Variants in MAP3K2 observed in about 807,000 individuals in gnomAD.
MAP3K2 encodes MAP/ERK kinase kinase 2.
MAP3K2 carries 24 observed loss-of-function variants against 80.3 expected under a neutral mutation model. The observed-to-expected ratio is 0.30, with a 90% CI of 0.22 to 0.42. The LOEUF is 0.42. MAP3K2 is among the 10% of genes least tolerant of loss of function. The pLI is 1.00. For missense variants in MAP3K2, 608 were observed against 750.1 expected (o/e 0.81, Z 2.21); for synonymous variants, 244 against 253.7 (o/e 0.96, Z 0.36).
At chr2:127,338,335 A>T (rs73956522) in intron 3 of MAP3K2, among the ~76,000 whole-genome samples, 4,183 of 152,148 alleles carry the variant, frequency 0.027, 74 homozygotes, top group African/African-American at 0.031. Context: ...CTTAAAAAAA[A>T]TTTTTTTAAC....
intron 15 of MAP3K2, among the ~76,000 whole-genome samples, chr2:127,311,529 T>G (rs1334180697): frequency 6.6e-6 from 1 of 152,146 alleles, no homozygotes; most frequent in African/African-American, 2.4e-5. Context: ...AAAAATAAGT[T>G]ATTAAGGAGA....
rs528463914 is a variant in MAP3K2, at chr2:127,321,017, G to T, written c.1045+1029C>A. On this transcript the variant is annotated intron_variant, in intron 12 of 16. Transcript: ENST00000682094. This position sits in a 1 kb window ranked among gnomAD's most constrained non-coding sequence, Gnocchi z 4.4. ...TGCCTGTAGTGCCAGATACTTGGGAGTTTGAAGTGGGAGGATTGCTTGAGC... is the reference window on the plus strand; with the variant it reads ...TGCCTGTAGTGCCAGATACTTGGGATTTTGAAGTGGGAGGATTGCTTGAGC... 6.6e-6 allele frequency among the ~76,000 whole-genome samples: 1 copy of T among 152,204 alleles called. No individual in the cohort carries two copies. Among genetic ancestry groups the T allele is most frequent in the Admixed American group, 6.5e-5 (1 of 15,278 alleles).
At chr2:127,371,028 A>G (rs1470322238) in intron 1 of MAP3K2, among the ~76,000 whole-genome samples, 1 of 152,242 alleles carries the variant, frequency 6.6e-6, no homozygotes, top group Non-Finnish European at 1.5e-5. Context: ...TGCAAGAACG[A>G]CAATGCAATC....
In MAP3K2 at chr2:127,375,406, A is replaced by AT. The variant is rs200517629; in HGVS notation, c.-66+12045dup. 1.1e-3 allele frequency among the ~76,000 whole-genome samples: 154 copies of AT among 140,394 alleles called. 1 individual carries two copies. The East Asian group carries it at 0.023, about 21-fold the overall frequency. 92.1% of individuals were successfully genotyped at this position (140,394 alleles called of 152,430 possible). A position where few individuals can be genotyped will look rare whatever the true frequency, so the allele number is the denominator to read the frequency against. ...TCCTTGTTATGCTTTATTATTATTTATTTATTTATTTATTTTTTTTTTGAG... is the reference window on the plus strand; with the variant it reads ...TCCTTGTTATGCTTTATTATTATTTATTTTATTTATTTATTTTTTTTTTGAG... On this transcript the variant is annotated intron_variant, in intron 1 of 16. Transcript: ENST00000682094.
intron 12 of MAP3K2, among the ~76,000 whole-genome samples, chr2:127,319,033 G>A (rs887729098): frequency 6.6e-6 from 1 of 152,086 alleles, no homozygotes; most frequent in African/African-American, 2.4e-5. Context: ...TGCACTCATA[G>A]GAGCAGGAGA....
chr2:127,307,490 CTT>C lies in MAP3K2; in HGVS notation c.*87_*88del. On this transcript the variant is annotated 3_prime_UTR_variant, in exon 17 of 17. Coordinates refer to ENST00000682094, the MANE Select transcript of MAP3K2 (RefSeq NM_001371910.2). This position sits in a 1 kb window ranked among gnomAD's most constrained non-coding sequence, Gnocchi z 5.4. The stretch of plus-strand genomic sequence containing the variant: ...CTTGTCTTTTTTCTCCCCCATCTCT[CTT>C]TTTTTATAAAAAAGAAAAGTGCAGT... 1 of 727,436 alleles carries C rather than the reference CTT, an allele frequency of 1.4e-6. No individual in the cohort carries two copies. The highest frequency in any genetic ancestry group is 2.1e-6 in the Non-Finnish European group (1 of 477,114). 45.1% of individuals were successfully genotyped at this position (727,436 alleles called of 1,614,324 possible).
intron 7 of MAP3K2, among the ~76,000 whole-genome samples, chr2:127,329,062 G>C (rs975338430): frequency 6.6e-6 from 1 of 152,206 alleles, no homozygotes; most frequent in Non-Finnish European, 1.5e-5. Flanking sequence ...ATGGGGAGTT[G>C]AGAGTACCTG....
At position 127,300,677 on chromosome 2, in the gene MAP3K2, A is replaced by G. The variant is rs1395551913; in HGVS notation, c.*6902T>C. The G allele has an allele frequency of 6.6e-6, 1 of 152,212 alleles. No individual in the cohort carries two copies. Among genetic ancestry groups the G allele is most frequent in the Admixed American group, 6.5e-5 (1 of 15,276 alleles). 9.4% of individuals were successfully genotyped at this position (152,212 alleles called of 1,614,324 possible). ...AAATGTAAACCATTTACTAATTAAG[A>G]TTGCATTAAAACAATTGTTGGTCTT... On this transcript the variant is annotated 3_prime_UTR_variant, in exon 17 of 17. Transcript: ENST00000682094.
In MAP3K2 at chr2:127,387,893, T is replaced by G. The variant is rs1449374306; in HGVS notation, c.-507A>C. ...CGCGGGCCGTGCAACCCCCGAACGC[T>G]GCGCCCAGCGGCCGCGGCACCCTCG... On this transcript the variant is annotated 5_prime_UTR_variant, in exon 1 of 17. Transcript: ENST00000682094. The G allele has an allele frequency of 1.0e-6, 1 of 981,664 alleles. No homozygotes were observed. The highest frequency in any genetic ancestry group is 1.2e-6 in the Non-Finnish European group (1 of 827,040). 60.8% of individuals were successfully genotyped at this position (981,664 alleles called of 1,614,324 possible). A position where few individuals can be genotyped will look rare whatever the true frequency, so the allele number is the denominator to read the frequency against.
At chr2:127,371,808 C>CT (rs1333000831) in intron 1 of MAP3K2, among the ~76,000 whole-genome samples, 1 of 152,184 alleles carries the variant, frequency 6.6e-6, no homozygotes, top group Non-Finnish European at 1.5e-5. Context: ...AAAGAACCCC[C>CT]TTCTATATGA....
chr2:127,317,237 G>A (rs1055406483), intron 14 of MAP3K2, among the ~76,000 whole-genome samples: 1 of 152,064 alleles, frequency 6.6e-6, no homozygotes, highest in African/African-American at 2.4e-5. Context: ...AGGTAACAGA[G>A]TGAGACCTTG....
chr2:127,327,670 T>C (rs1686171720), intron 7 of MAP3K2, among the ~76,000 whole-genome samples: 1 of 152,110 alleles, frequency 6.6e-6, no homozygotes, highest in Non-Finnish European at 1.5e-5. Context: ...TTTATCAGCA[T>C]ACACTCCTAA....
Position 127,306,322 on chromosome 2 carries a change from G to A in MAP3K2, c.*1257C>T, listed in dbSNP as rs1383718808. 2 of 152,104 alleles carry A rather than the reference G, an allele frequency of 1.3e-5. No homozygotes were observed. Among genetic ancestry groups the A allele is most frequent in the Non-Finnish European group, 2.9e-5 (2 of 68,018 alleles). The allele number at this position is 152,104 out of a possible 1,614,324, so 9.4% of individuals were successfully genotyped here. ...AATTCTTTGAGGCTGCTTTCCTTGT[G>A]TATTATAATCTATTTAGCAACATCC... is the stretch of plus-strand genomic sequence containing the variant. On this transcript the variant is annotated 3_prime_UTR_variant, in exon 17 of 17. Coordinates refer to ENST00000682094, the MANE Select transcript of MAP3K2 (RefSeq NM_001371910.2). The surrounding 1 kb of genome is among the most constrained non-coding windows in gnomAD (Gnocchi z 4.7).
intron 7 of MAP3K2, 114 bp from the exon 8 acceptor site, chr2:127,326,931 A>G (rs1686153455): frequency 1.6e-6 from 1 of 624,782 alleles, no homozygotes. Flanking sequence ...AAGAAAATTC[A>G]ATTTTTATTA....
rs1279926965 is a variant in MAP3K2 at position 127,299,511 on chromosome 2, T to C, written c.*8068A>G. The C allele has an allele frequency of 1.3e-5, 2 of 152,298 alleles. No individual in the cohort carries two copies. The highest frequency in any genetic ancestry group is 1.9e-4 in the East Asian group (1 of 5,188). 9.4% of individuals were successfully genotyped at this position (152,298 alleles called of 1,614,324 possible). The stretch of plus-strand genomic sequence containing the variant: ...AGGACAGGCCAATAGCAACTGGAGA[T>C]AGAAAAATCTTGACATCTCGAGACA... On this transcript the variant is annotated 3_prime_UTR_variant, in exon 17 of 17. Transcript: ENST00000682094.
chr2:127,320,297 G>C (rs1459490425), intron 12 of MAP3K2, among the ~76,000 whole-genome samples: 2 of 152,184 alleles, frequency 1.3e-5, no homozygotes, highest in African/African-American at 2.4e-5. Context: ...GAAACTACAG[G>C]AATGAGTCAC....
rs776418686 is a variant in MAP3K2, at chr2:127,325,753, G to T, written c.652C>A (p.Pro218Thr). The T allele has an allele frequency of 1.2e-6, 2 of 1,613,052 alleles. No homozygotes were observed. Reference sequence around the variant, plus strand: ...CCATCCAAAGGACTATCAAGTGATGGACAACTTCCTGAGCCAGAATTTTCA... The same window carrying T: ...CCATCCAAAGGACTATCAAGTGATGTACAACTTCCTGAGCCAGAATTTTCA... ...SPENSGSGSC[P>T]SLDSPLDGES... The change falls in exon 9 of 17, where the codon CCA becomes ACA. Residue 218 changes from proline (P) to threonine (T), a missense_variant. By Grantham distance (38) the Pro-to-Thr change is conservative. This residue lies in a region of MAP3K2 where 467 missense variants were observed against 521.9 expected (regional missense o/e 0.89). Coordinates refer to ENST00000682094, the MANE Select transcript of MAP3K2 (RefSeq NM_001371910.2).
chr2:127,311,233 ACTGT>A (rs1407427341), intron 15 of MAP3K2, among the ~76,000 whole-genome samples: 13 of 152,210 alleles, frequency 8.5e-5, no homozygotes, highest in Admixed American at 2.0e-4. Flanking sequence ...CTGAAAGAGC[ACTGT>A]CTAACATTTC....
In MAP3K2 at chr2:127,304,473, A is replaced by C. The variant is rs530746058; in HGVS notation, c.*3106T>G. 2 of 152,198 alleles carry C rather than the reference A, an allele frequency of 1.3e-5. No individual in the cohort carries two copies. Among genetic ancestry groups the C allele is most frequent in the African/African-American group, 4.8e-5 (2 of 41,448 alleles). 9.4% of individuals were successfully genotyped at this position (152,198 alleles called of 1,614,324 possible). ...GAAAGATATTTCCTGAAAAGCACAT[A>C]TAAGACTGCTAGTGAATCTTCTCCA... On this transcript the variant is annotated 3_prime_UTR_variant, in exon 17 of 17. Transcript: ENST00000682094.
Sources: allele counts gnomAD v4.1 joint callset (sites outside exome capture counted in the v4.1 genomes callset), GRCh38; gene constraint gnomAD v4.1.1; regional missense constraint gnomAD v4.1.1; non-coding constraint Gnocchi (gnomAD v3.1); transcripts MANE v1.5; gene names NCBI Gene and HGNC (gene_info 2026-07-23, HGNC 2026-07-21).